Variants in YAE1 observed in about 807,000 individuals in gnomAD.
The protein encoded by YAE1 is YAE1 maturation factor of ABCE1, also known as protein YAE1 homolog.
Under a neutral mutation model 23.0 loss-of-function variants are expected in YAE1, and 22 were observed. The observed-to-expected ratio is 0.96, with a 90% CI of 0.68 to 1.37. The LOEUF is 1.37. Among genes scored for constraint, YAE1 ranks in the 40% most tolerant of loss-of-function variants. The pLI is 0.00. For synonymous variants in YAE1, 101 were observed against 97.0 expected, an observed-to-expected ratio of 1.04 and a Z score of -0.24; for missense variants, 260 against 262.1, an observed-to-expected ratio of 0.99 and a Z score of 0.06.
chr7:39,606,751 T>C (rs1791136161), intron 2 of YAE1, among the ~76,000 whole-genome samples: 1 of 152,216 alleles, frequency 6.6e-6, no homozygotes, highest in African/African-American at 2.4e-5. Flanking sequence ...GCAGTACTTA[T>C]GAGATGCCAT....
intron 2 of YAE1, among the ~76,000 whole-genome samples, chr7:39,583,701 AG>A (rs1001724782): frequency 2.0e-5 from 3 of 152,200 alleles, no homozygotes; most frequent in African/African-American, 7.2e-5. Flanking sequence ...CAAATGTGTA[AG>A]ATCTATAAAA....
chr7:39,594,308 G>T (rs995212973), intron 2 of YAE1, among the ~76,000 whole-genome samples: 1 of 152,070 alleles, frequency 6.6e-6, no homozygotes, highest in Non-Finnish European at 1.5e-5. Context: ...TCCAGCTGTG[G>T]TTGCTCCAAA....
At chr7:39,602,733 TG>T (rs1791070560) in intron 2 of YAE1, among the ~76,000 whole-genome samples, 3 of 2,482 alleles carry the variant, frequency 1.2e-3, no homozygotes, top group South Asian at 0.083. Flanking sequence ...TTTGGTTTTT[TG>T]TTTGTTTGTT....
chr7:39,608,177 T>A (rs1010638796), intron 2 of YAE1, among the ~76,000 whole-genome samples: 1 of 152,232 alleles, frequency 6.6e-6, no homozygotes, highest in Non-Finnish European at 1.5e-5. Context: ...TATAAAGGTA[T>A]GCAACTTTTA....
chr7:39,578,714 C>G (rs1002840440), intron 2 of YAE1, among the ~76,000 whole-genome samples: 2 of 152,130 alleles, frequency 1.3e-5, no homozygotes, highest in Non-Finnish European at 2.9e-5. Context: ...GGAACAACCT[C>G]CGGACACACC....
chr7:39,607,565 T>C (rs1300557338), intron 2 of YAE1, among the ~76,000 whole-genome samples: 2 of 152,242 alleles, frequency 1.3e-5, no homozygotes, highest in African/African-American at 2.4e-5. Context: ...TTGAATTCAA[T>C]AAAGAACTCT....
intron 2 of YAE1, among the ~76,000 whole-genome samples, chr7:39,589,579 T>C (rs978610784): frequency 6.6e-6 from 1 of 152,212 alleles, no homozygotes; most frequent in Non-Finnish European, 1.5e-5. Flanking sequence ...TTTTTAAATG[T>C]GAAGGTAGGA....
intron 2 of YAE1, among the ~76,000 whole-genome samples, chr7:39,608,807 T>C (rs1197761952): frequency 6.6e-6 from 1 of 152,204 alleles, no homozygotes; most frequent in African/African-American, 2.4e-5. Context: ...ATATGGAGTG[T>C]AAACAAATAC....
At chr7:39,566,657 TC>T (rs1790473807) in intron 1 of YAE1, 110 bp downstream of exon 1, 5 of 1,468,524 alleles carry the variant, frequency 3.4e-6, no homozygotes, top group Admixed American at 4.3e-5. Flanking sequence ...GCTCTCTTTA[TC>T]CCTAGGGACC....
At chr7:39,577,746 G>A (rs1430861213), downstream of YAE1, among the ~76,000 whole-genome samples, 8 of 152,182 alleles carry the variant, frequency 5.3e-5, no homozygotes, top group South Asian at 2.1e-4. Flanking sequence ...GCTCTGCTGC[G>A]CCCGGTCCCA....
intron 2 of YAE1, among the ~76,000 whole-genome samples, chr7:39,580,213 G>C (rs1295026050): frequency 6.6e-6 from 1 of 152,120 alleles, no homozygotes. Context: ...AATTCTCCTC[G>C]GACTTCTTAG....
chr7:39,592,884 C>T lies in YAE1; in HGVS notation c.252-16733C>T, dbSNP rs74339380. On this transcript the variant is annotated intron_variant, in intron 2 of 2. Coordinates refer to the YAE1 transcript ENST00000432096. ...CCAAAATCATATATTTCACCAAATT[C>T]GGAAACACTTTGGCCATTATTTCTT... is the stretch of plus-strand genomic sequence containing the variant. 8.3e-3 allele frequency among the ~76,000 whole-genome samples: 1,259 copies of T among 152,252 alleles called. 18 individuals carry two copies. Among genetic ancestry groups the T allele is most frequent in the African/African-American group, 0.029 (1,185 of 41,542 alleles).
At chr7:39,597,006 G>C (rs1462435231) in intron 2 of YAE1, among the ~76,000 whole-genome samples, 1 of 152,134 alleles carries the variant, frequency 6.6e-6, no homozygotes, top group African/African-American at 2.4e-5. Context: ...ATTTAAATTT[G>C]TACCTGGACT....
At chr7:39,596,873 A>C (rs4236361) in intron 2 of YAE1, among the ~76,000 whole-genome samples, 21,621 of 152,228 alleles carry the variant, frequency 0.14, 3,993 homozygotes, top group African/African-American at 0.43. Flanking sequence ...AATATAGGAA[A>C]AATAACTAAC....
chr7:39,599,017 C>A (rs556710949), intron 2 of YAE1, among the ~76,000 whole-genome samples: 2 of 151,852 alleles, frequency 1.3e-5, no homozygotes, highest in East Asian at 3.9e-4. Flanking sequence ...CCAAGGCAGG[C>A]AGTTCACTTG....
At chr7:39,588,690 C>T (rs1790858429) in intron 2 of YAE1, among the ~76,000 whole-genome samples, 1 of 152,146 alleles carries the variant, frequency 6.6e-6, no homozygotes, top group Non-Finnish European at 1.5e-5. Context: ...TTTACATCCA[C>T]TTACTTGGTC....
At chr7:39,570,450 A>G (rs1238779655) in intron 1 of YAE1, 56 bp from the exon 2 acceptor site, 4 of 1,583,678 alleles carry the variant, frequency 2.5e-6, no homozygotes, top group Non-Finnish European at 3.4e-6. Context: ...CTTTTCTAGA[A>G]AAGCCTACAT....
intron 2 of YAE1, among the ~76,000 whole-genome samples, chr7:39,599,672 A>G (rs1241878628): frequency 6.6e-6 from 1 of 151,784 alleles, no homozygotes; most frequent in African/African-American, 2.4e-5. Context: ...AGACCAGTAG[A>G]CACTGGTGTT....
intron 2 of YAE1, among the ~76,000 whole-genome samples, chr7:39,603,621 G>A (rs1791086318): frequency 6.6e-6 from 1 of 152,074 alleles, no homozygotes; most frequent in South Asian, 2.1e-4. Flanking sequence ...TCCAGTAGAT[G>A]GAATTGCTGA....
Sources: allele counts gnomAD v4.1 joint callset (sites outside exome capture counted in the v4.1 genomes callset), GRCh38; gene constraint gnomAD v4.1.1; transcripts MANE v1.5; gene names NCBI Gene and HGNC (gene_info 2026-07-23, HGNC 2026-07-21).